The following MAP10 variants were observed in gnomAD, a reference collection of about 807,000 sequenced individuals.
MAP10 encodes microtubule associated protein 10, also known as microtubule-associated protein 10.
Under a neutral mutation model 6.3 loss-of-function variants are expected in MAP10, and 10 were observed. The ratio of observed to expected loss-of-function variants is 1.58; its 90% CI spans 0.98 to 2.69. MAP10 has a LOEUF of 2.69. Ranked by LOEUF, MAP10 falls within the 30% of genes most tolerant of loss-of-function variation. The pLI, the probability that MAP10 is intolerant of heterozygous loss-of-function variation, is 0.00. For missense variants in MAP10, 1,189 were observed against 1,086.5 expected (o/e 1.09, Z -1.33); for synonymous variants, 459 against 429.3 (o/e 1.07, Z -0.86).
At position 232,807,702 on chromosome 1, in the gene MAP10, A is replaced by G. The variant is rs752935046; in HGVS notation, c.2253A>G (p.Lys751=). The G allele has an allele frequency of 6.2e-7, 1 of 1,613,626 alleles. No homozygotes were observed. ...AGTCTAGTGACACAGGAGTGTCCAA[A>G]AAGAAAAATAGTAGTGACAGGAGTT... ...TSKSSDTGVS[K]KKNSSDRSSI... is the part of the protein sequence containing the mutation. Residue 751 remains lysine (K), a synonymous_variant, in exon 1 of 1, where the codon AAA becomes AAG. Transcript: ENST00000418460.
At position 232,808,223 on chromosome 1, in the gene MAP10, A is replaced by G; in HGVS notation, c.*56A>G. 2.6e-6 allele frequency: 3 copies of G among 1,144,130 alleles called. No homozygotes were observed. The highest frequency in any genetic ancestry group is 3.5e-6 in the Non-Finnish European group (3 of 854,720). The allele number at this position is 1,144,130 out of a possible 1,614,324, so 70.9% of individuals were successfully genotyped here. A position where few individuals can be genotyped will look rare whatever the true frequency, so the allele number is the denominator to read the frequency against. On this transcript the variant is annotated 3_prime_UTR_variant, in exon 1 of 1. Coordinates refer to ENST00000418460, the MANE Select transcript of MAP10 (RefSeq NM_019090.3). ...CCTATGTGTACTGTTAGTGAAAAAA[A>G]TTTTAAAGCTGTTTTAGTTCATGAA...
rs375625036 is a variant in MAP10, at chr1:232,805,448, C to T, written c.-2C>T. 2 of 1,610,292 alleles carry T rather than the reference C, an allele frequency of 1.2e-6. No individual in the cohort carries two copies. The highest frequency in any genetic ancestry group is 1.7e-5 in the Admixed American group (1 of 59,526). ...GCGGCGGCGTTTCCTGGGGCAACAG[C>T]AATGGCGGCCTCGCTGTCCGAGCGG... On this transcript the variant is annotated 5_prime_UTR_variant, in exon 1 of 1. Transcript: ENST00000418460.
rs376618811 is a variant in MAP10, at chr1:232,806,204, G to A, written c.755G>A (p.Ser252Asn). 2 of 1,613,852 alleles carry A rather than the reference G, an allele frequency of 1.2e-6. No homozygotes were observed. Among genetic ancestry groups the A allele is most frequent in the Non-Finnish European group, 1.7e-6 (2 of 1,179,856 alleles). Reference protein sequence around the residue: ...AQKDLKEMVKSKAECDNVGSV... With the variant: ...AQKDLKEMVKNKAECDNVGSV... ...AAGGATTTGAAGGAAATGGTTAAAA[G>A]TAAGGCCGAATGTGATAATGTGGGT... The change falls in exon 1 of 1, where the codon AGT becomes AAT. Residue 252 changes from serine to asparagine, a missense_variant. Ser to Asn is a conservative substitution (Grantham distance 46, BLOSUM62 1). Coordinates refer to ENST00000418460, the MANE Select transcript of MAP10 (RefSeq NM_019090.3).
Position 232,807,594 on chromosome 1 carries a change from C to T in MAP10, c.2145C>T (p.Thr715=), listed in dbSNP as rs755359790. The change falls in exon 1 of 1, where the codon ACC becomes ACT. Residue 715 remains threonine (T), a synonymous_variant. Coordinates refer to ENST00000418460, the MANE Select transcript of MAP10 (RefSeq NM_019090.3). Reference sequence around the variant, plus strand: ...CTTGCTATTCTGAAGATTTCTGTACCAGTGAGGACACCAGCAGAAGTTTCA... The same window carrying T: ...CTTGCTATTCTGAAGATTTCTGTACTAGTGAGGACACCAGCAGAAGTTTCA... The part of the protein sequence containing the change: ...SSPCYSEDFC[T]SEDTSRSFKA... 6.2e-7 allele frequency: 1 copy of T among 1,610,144 alleles called. No individual in the cohort carries two copies. Among genetic ancestry groups the T allele is most frequent in the Non-Finnish European group, 8.5e-7 (1 of 1,177,904 alleles).
Position 232,805,481 on chromosome 1 carries a change from C to T in MAP10, c.32C>T (p.Ser11Leu), listed in dbSNP as rs759075228. The T allele has an allele frequency of 3.8e-6, 6 of 1,590,880 alleles. No individual in the cohort carries two copies. The South Asian group carries it at 6.8e-5, about 18-fold the overall frequency. Residue 11 changes from serine (S) to leucine (L), a missense_variant, in exon 1 of 1, where the codon TCG (serine) becomes TTG (leucine). Physicochemically the swap from Ser to Leu is moderately radical, Grantham distance 145 (BLOSUM62 -2). Transcript: ENST00000418460. MAASLSERLF[S>L]LELLVDWVRL... ...GCCTCGCTGTCCGAGCGGCTCTTCT[C>T]GCTGGAGCTGCTGGTGGACTGGGTG...
chr1:232,807,231 G>T lies in MAP10; in HGVS notation c.1782G>T (p.Leu594=). ...DEPSTSKETK[L]KYATEKKTVD... ...CCAGCACAAGTAAAGAAACTAAACT[G>T]AAATATGCAACTGAAAAAAAGACAG... is the stretch of plus-strand genomic sequence containing the variant. Residue 594 remains leucine (L), a synonymous_variant, in exon 1 of 1, where the codon CTG becomes CTT. Transcript: ENST00000418460. 6.2e-7 allele frequency: 1 copy of T among 1,613,430 alleles called. No homozygotes were observed. Among genetic ancestry groups the T allele is most frequent in the Non-Finnish European group, 8.5e-7 (1 of 1,179,730 alleles).
the MAP10 span, chr1:232,808,035 T>TAA: frequency 6.2e-7 from 1 of 1,613,354 alleles, no homozygotes; most frequent in Non-Finnish European, 8.5e-7. Flanking sequence ...TGTCCGAACT[T>TAA]AATGTCCTGG....
chr1:232,808,260 A>C lies in MAP10; in HGVS notation c.*93A>C, dbSNP rs1666142512. ...TTTTAGTTCATGAATTATGTGAATA[A>C]TTTTTTAAAGAAATATGAATTAACG... On this transcript the variant is annotated 3_prime_UTR_variant, in exon 1 of 1. Coordinates refer to ENST00000418460, the MANE Select transcript of MAP10 (RefSeq NM_019090.3). 1 of 724,346 alleles carries C rather than the reference A, an allele frequency of 1.4e-6. No individual in the cohort carries two copies. Among genetic ancestry groups the C allele is most frequent in the East Asian group, 2.9e-5 (1 of 33,938 alleles). The allele number at this position is 724,346 out of a possible 1,614,324, so 44.9% of individuals were successfully genotyped here.
At position 232,806,391 on chromosome 1, in the gene MAP10, G is replaced by T. The variant is rs368167890; in HGVS notation, c.942G>T (p.Pro314=). The part of the protein sequence containing the change: ...LYYTNLTQEK[P]PPAQAKITIE... ...ACACTAACTTGACCCAAGAAAAACC[G>T]CCCCCTGCACAGGCTAAAATCACCA... The change falls in exon 1 of 1, where the codon CCG becomes CCT. Residue 314 remains proline (P), a synonymous_variant. Coordinates refer to ENST00000418460, the MANE Select transcript of MAP10 (RefSeq NM_019090.3). The T allele has an allele frequency of 1.5e-5, 24 of 1,613,462 alleles. No individual in the cohort carries two copies. Among genetic ancestry groups the T allele is most frequent in the Non-Finnish European group, 1.9e-5 (22 of 1,179,822 alleles).
At position 232,808,585 on chromosome 1, in the gene MAP10, T is replaced by C. The variant is rs1666147610; in HGVS notation, c.*418T>C. On this transcript the variant is annotated 3_prime_UTR_variant, in exon 1 of 1. Coordinates refer to ENST00000418460, the MANE Select transcript of MAP10 (RefSeq NM_019090.3). ...TGCAGAAAGGTGCAGAATCTATTTA[T>C]GATAGAGCCCTGCTGTTTTAAAAGC... is the stretch of plus-strand genomic sequence containing the variant. 6.6e-6 allele frequency among the ~76,000 whole-genome samples: 1 copy of C among 152,182 alleles called. No homozygotes were observed. Among genetic ancestry groups the C allele is most frequent in the African/African-American group, 2.4e-5 (1 of 41,454 alleles).
rs1422346420 is a variant in MAP10, at chr1:232,808,410, GTC to G, written c.*249_*250del. 6.1e-6 allele frequency: 2 copies of G among 330,362 alleles called. No homozygotes were observed. Among genetic ancestry groups the G allele is most frequent in the Non-Finnish European group, 1.2e-5 (2 of 172,986 alleles). The allele number at this position is 330,362 out of a possible 1,614,324, so 20.5% of individuals were successfully genotyped here. A position where few individuals can be genotyped will look rare whatever the true frequency, so the allele number is the denominator to read the frequency against. ...GAATAAAAGTGTGTCTTTCTAAATT[GTC>G]TCTCTTAAAGTGTCTAGTCTACAGT... On this transcript the variant is annotated 3_prime_UTR_variant, in exon 1 of 1. Coordinates refer to ENST00000418460, the MANE Select transcript of MAP10 (RefSeq NM_019090.3).
At chr1:232,806,701 C>CATAT in the MAP10 span, 1 of 1,613,738 alleles carries the variant, frequency 6.2e-7, no homozygotes, top group African/African-American at 1.3e-5. Context: ...AAGTCCTGCT[C>CATAT]ATATACATCC....
At chr1:232,807,861 G>A in the MAP10 span, 56 of 1,613,450 alleles carry the variant, frequency 3.5e-5, no homozygotes, top group African/African-American at 6.1e-4. Flanking sequence ...CAACACATTG[G>A]ACTGAACAAA....
chr1:232,809,861 G>A lies in MAP10; in HGVS notation c.*1694G>A, dbSNP rs1260077257. On this transcript the variant is annotated 3_prime_UTR_variant, in exon 1 of 1. Transcript: ENST00000418460. Reference sequence around the variant, plus strand: ...AACTAGATGTTTAATGATGTGAACTGTGTAAATTGTTTAATAGCAATTTGT... The same window carrying A: ...AACTAGATGTTTAATGATGTGAACTATGTAAATTGTTTAATAGCAATTTGT... Among the ~76,000 whole-genome samples the A allele has an allele frequency of 6.6e-6, 1 of 152,040 alleles. No individual in the cohort carries two copies. The highest frequency in any genetic ancestry group is 1.5e-5 in the Non-Finnish European group (1 of 67,924).
At position 232,809,035 on chromosome 1, in the gene MAP10, C is replaced by G. The variant is rs906150530; in HGVS notation, c.*868C>G. On this transcript the variant is annotated 3_prime_UTR_variant, in exon 1 of 1. Coordinates refer to ENST00000418460, the MANE Select transcript of MAP10 (RefSeq NM_019090.3). ...TTGGTATAAATAGCCTTCAGGTGTT[C>G]TCTGAAATATTTGGAAAGGGAAACT... Among the ~76,000 whole-genome samples, 3 of 152,000 alleles carry G rather than the reference C, an allele frequency of 2.0e-5. No homozygotes were observed. The highest frequency in any genetic ancestry group is 7.2e-5 in the African/African-American group (3 of 41,406).
chr1:232,807,280 A>C lies in MAP10; in HGVS notation c.1831A>C (p.Asn611His). 1 of 1,613,520 alleles carries C rather than the reference A, an allele frequency of 6.2e-7. No homozygotes were observed. The highest frequency in any genetic ancestry group is 8.5e-7 in the Non-Finnish European group (1 of 1,179,726). The change falls in exon 1 of 1, where the codon AAT (asparagine) becomes CAT (histidine). Residue 611 changes from asparagine (N) to histidine (H), a missense_variant. Asn to His is a moderately conservative substitution (Grantham distance 68). Transcript: ENST00000418460. ...AGTTGATTGTAGTAAAAATAGAATC[A>C]ATAATGTTTCATTGGAAGAAGTTGT... ...KTVDCSKNRI[N>H]NVSLEEVVSP...
rs758246652 is a variant in MAP10 at position 232,807,093 on chromosome 1, T to C, written c.1644T>C (p.Ser548=). 9 of 1,612,154 alleles carry C rather than the reference T, an allele frequency of 5.6e-6. No homozygotes were observed. The highest frequency in any genetic ancestry group is 7.6e-6 in the Non-Finnish European group (9 of 1,179,334). The change falls in exon 1 of 1, where the codon TCT becomes TCC. Residue 548 remains serine, a synonymous_variant. Coordinates refer to ENST00000418460, the MANE Select transcript of MAP10 (RefSeq NM_019090.3). ...IPSSKVKLLS[S]AEQSQKPQLP... ...CATCCAAAGTTAAACTATTAAGCTC[T>C]GCAGAACAAAGTCAGAAGCCACAAC... is the stretch of plus-strand genomic sequence containing the variant.
In MAP10 at chr1:232,806,433, T is replaced by G. The variant is rs745893990; in HGVS notation, c.984T>G (p.Asn328Lys). Residue 328 changes from asparagine (N) to lysine (K), a missense_variant, in exon 1 of 1, where the codon AAT becomes AAG. Asn to Lys is a moderately conservative substitution (Grantham distance 94). Coordinates refer to ENST00000418460, the MANE Select transcript of MAP10 (RefSeq NM_019090.3). ...AAATCACCATTGAGCCTCAAATGAATGCACCTGAGGAAATGGATGATGCTT... is the reference window on the plus strand; with the variant it reads ...AAATCACCATTGAGCCTCAAATGAAGGCACCTGAGGAAATGGATGATGCTT... Reference protein sequence around the residue: ...QAKITIEPQMNAPEEMDDASP... With the variant: ...QAKITIEPQMKAPEEMDDASP... 7.4e-6 allele frequency: 12 copies of G among 1,613,792 alleles called. No homozygotes were observed. In the East Asian group the frequency reaches 2.5e-4, roughly 33 times the overall value.
rs748649829 is a variant in MAP10, at chr1:232,807,602, A to T, written c.2153A>T (p.Asp718Val). 10 of 1,610,122 alleles carry T rather than the reference A, an allele frequency of 6.2e-6. No individual in the cohort carries two copies. The South Asian group carries it at 7.7e-5, about 12-fold the overall frequency. The change falls in exon 1 of 1, where the codon GAC becomes GTC. Residue 718 changes from aspartate (D) to valine (V), a missense_variant. Coordinates refer to ENST00000418460, the MANE Select transcript of MAP10 (RefSeq NM_019090.3). ...TCTGAAGATTTCTGTACCAGTGAGG[A>T]CACCAGCAGAAGTTTCAAAGCTCAT... is the stretch of plus-strand genomic sequence containing the variant. ...CYSEDFCTSE[D>V]TSRSFKAHDS... is the part of the protein sequence containing the mutation.
Sources: gnomAD v4.1 joint callset for allele counts (sites outside exome capture counted in the v4.1 genomes callset) on GRCh38, gnomAD v4.1.1 for gene constraint, MANE v1.5 for transcripts, NCBI Gene and HGNC (gene_info 2026-07-23, HGNC 2026-07-21) for gene names.